SGPP2: variants seen among roughly 807,000 people sequenced by gnomAD.
SGPP2 encodes sphingosine 1-phosphate phosphohydrolase 2.
In SGPP2, 30 loss-of-function variants were observed where a neutral mutation model predicts 33.9. The ratio of observed to expected loss-of-function variants is 0.89; its 90% CI spans 0.66 to 1.20. The LOEUF (loss-of-function observed/expected upper bound fraction) is 1.20, where lower values mean the gene tolerates loss of function less well. SGPP2 is among the 50% of genes most tolerant of loss of function. SGPP2 has a pLI of 0.00. For missense variants in SGPP2, 458 were observed against 532.1 expected (o/e 0.86, Z 1.37); for synonymous variants, 233 against 225.0 (o/e 1.04, Z -0.32).
chr2:222,558,312 T>C, intron 4 of SGPP2, 35 bp from the exon 5 acceptor site: 1 of 1,600,276 alleles, frequency 6.2e-7, no homozygotes, highest in Non-Finnish European at 8.5e-7. Flanking sequence ...GAAACACTCA[T>C]TGGTTCACAC....
intron 2 of SGPP2, among the ~76,000 whole-genome samples, chr2:222,493,635 C>T (rs1210987762): frequency 6.6e-6 from 1 of 152,194 alleles, no homozygotes; most frequent in Non-Finnish European, 1.5e-5. Flanking sequence ...TGCACTCAGC[C>T]TAAATGTATT....
chr2:222,435,226 G>T (rs983346975), intron 1 of SGPP2, among the ~76,000 whole-genome samples: 27 of 152,072 alleles, frequency 1.8e-4, no homozygotes, highest in African/African-American at 6.3e-4. Flanking sequence ...AGAGCAAGAA[G>T]CATCTGGCAT....
chr2:222,519,302 G>T (rs747371563), intron 2 of SGPP2, among the ~76,000 whole-genome samples: 9 of 152,236 alleles, frequency 5.9e-5, no homozygotes, highest in Non-Finnish European at 1.2e-4. Context: ...GGAGAATCCT[G>T]AGATGACTAC....
In SGPP2 at chr2:222,561,102, C is replaced by CAAA. The variant is rs200271785; in HGVS notation, c.*2217_*2219dup. The stretch of plus-strand genomic sequence containing the variant: ...CCTGGGCGACAGAGCGAGACTCTCT[C>CAAA]AAAAAAAAAAAAAAAGAATTTTTAG... On this transcript the variant is annotated 3_prime_UTR_variant, in exon 5 of 5. Transcript: ENST00000321276. Among the ~76,000 whole-genome samples the CAAA allele has an allele frequency of 1.6e-4, 20 of 122,056 alleles. No individual in the cohort carries two copies. Among genetic ancestry groups the CAAA allele is most frequent in the African/African-American group, 4.0e-4 (13 of 32,378 alleles). 80.1% of individuals were successfully genotyped at this position (122,056 alleles called of 152,430 possible).
chr2:222,497,258 T>TC (rs1458722997), intron 2 of SGPP2, among the ~76,000 whole-genome samples: 1 of 149,008 alleles, frequency 6.7e-6, no homozygotes, highest in Non-Finnish European at 1.5e-5. Flanking sequence ...TTCTTTTTTT[T>TC]TTTTTTTTTT....
At chr2:222,466,253 C>CTTTTT (rs34005867) in intron 1 of SGPP2, among the ~76,000 whole-genome samples, 14 of 104,688 alleles carry the variant, frequency 1.3e-4, no homozygotes, top group African/African-American at 2.2e-4. Context: ...CTGTTTTCAA[C>CTTTTT]TTTTTTTTTT....
intron 2 of SGPP2, among the ~76,000 whole-genome samples, chr2:222,518,572 T>A (rs1698639466): frequency 1.3e-5 from 2 of 152,324 alleles, no homozygotes; most frequent in South Asian, 4.1e-4. Context: ...AAATTCCCAG[T>A]AGTCGGTAAT....
chr2:222,528,856 A>G (rs1284911777), intron 4 of SGPP2, among the ~76,000 whole-genome samples: 1 of 152,216 alleles, frequency 6.6e-6, no homozygotes, highest in Non-Finnish European at 1.5e-5. Context: ...GGCTCAAGCA[A>G]TCATACCACC....
chr2:222,525,872 C>CT (rs1227716059), intron 4 of SGPP2, among the ~76,000 whole-genome samples: 1 of 152,142 alleles, frequency 6.6e-6, no homozygotes, highest in African/African-American at 2.4e-5. Flanking sequence ...TCCCTGGTCC[C>CT]TTGTGTGGGT....
intron 2 of SGPP2, among the ~76,000 whole-genome samples, chr2:222,479,506 C>A (rs1697997339): frequency 6.6e-6 from 1 of 150,766 alleles, no homozygotes; most frequent in Non-Finnish European, 1.5e-5. Context: ...GGGATCACAC[C>A]ATTCTCCTGC....
intron 2 of SGPP2, among the ~76,000 whole-genome samples, chr2:222,491,425 C>A (rs1698195550): frequency 6.6e-6 from 1 of 152,024 alleles, no homozygotes; most frequent in South Asian, 2.1e-4. Context: ...GCTGGGGAGG[C>A]AAAATTCACA....
intron 2 of SGPP2, among the ~76,000 whole-genome samples, chr2:222,487,072 C>T (rs954132136): frequency 6.6e-5 from 10 of 151,980 alleles, no homozygotes; most frequent in Non-Finnish European, 1.2e-4. Flanking sequence ...GTTTGACATA[C>T]GATTAGAAAT....
At chr2:222,472,372 C>T (rs1168278284) in intron 1 of SGPP2, among the ~76,000 whole-genome samples, 3 of 151,972 alleles carry the variant, frequency 2.0e-5, no homozygotes, top group African/African-American at 7.3e-5. Flanking sequence ...TTTATTACTC[C>T]AATCAGCCTC....
At chr2:222,494,227 C>G (rs1698241302) in intron 2 of SGPP2, among the ~76,000 whole-genome samples, 1 of 152,002 alleles carries the variant, frequency 6.6e-6, no homozygotes, top group Non-Finnish European at 1.5e-5. Flanking sequence ...CAAATGAAGC[C>G]AATTAAGATT....
chr2:222,527,958 A>G (rs924599311), intron 4 of SGPP2, among the ~76,000 whole-genome samples: 5 of 152,128 alleles, frequency 3.3e-5, no homozygotes, highest in Non-Finnish European at 5.9e-5. Context: ...GCCACCCCTC[A>G]GGTGTCCAAG....
At chr2:222,489,573 T>TA (rs55636429) in intron 2 of SGPP2, among the ~76,000 whole-genome samples, 9 of 150,420 alleles carry the variant, frequency 6.0e-5, no homozygotes, top group East Asian at 1.9e-4. Flanking sequence ...GACTGAGCTT[T>TA]AAAAAAAAAA....
At chr2:222,546,734 G>A (rs1294582805) in intron 4 of SGPP2, among the ~76,000 whole-genome samples, 1 of 149,148 alleles carries the variant, frequency 6.7e-6, no homozygotes, top group Non-Finnish European at 1.5e-5. Context: ...TTGCGCTTAT[G>A]TATTACTATA....
chr2:222,548,026 C>G (rs1689231855), intron 4 of SGPP2, among the ~76,000 whole-genome samples: 1 of 152,128 alleles, frequency 6.6e-6, no homozygotes, highest in Non-Finnish European at 1.5e-5. Context: ...AGTTATGTGT[C>G]CTACAGGGTT....
In SGPP2 at chr2:222,474,589, G is replaced by T. The variant is rs138702204; in HGVS notation, c.241G>T (p.Val81Leu). 6.2e-7 allele frequency: 1 copy of T among 1,613,960 alleles called. No homozygotes were observed. The highest frequency in any genetic ancestry group is 1.1e-5 in the South Asian group (1 of 91,062). ...TTAGGCTTATGTACAGAAGTACGTC[G>T]TGAAGAATTATTTCTACTATTACCT... is the stretch of plus-strand genomic sequence containing the variant. ...APEAYVQKYVVKNYFYYYLFQ... is the reference protein window; with the variant it reads ...APEAYVQKYVLKNYFYYYLFQ... The change falls in exon 2 of 5, where the codon GTG (valine) becomes TTG (leucine). Residue 81 changes from valine to leucine, a missense_variant. By Grantham distance (32) the Val-to-Leu change is conservative. Coordinates refer to ENST00000321276, the MANE Select transcript of SGPP2 (RefSeq NM_152386.4).
Sources: allele counts gnomAD v4.1 joint callset (sites outside exome capture counted in the v4.1 genomes callset), GRCh38; gene constraint gnomAD v4.1.1; transcripts MANE v1.5; gene names NCBI Gene and HGNC (gene_info 2026-07-23, HGNC 2026-07-21).